Variants in HNF4G observed in about 807,000 individuals in gnomAD.
HNF4G encodes hepatocyte nuclear factor 4-gamma.
In HNF4G, 21 loss-of-function variants were observed where a neutral mutation model predicts 50.9. That is an observed-to-expected ratio of 0.41 (90% confidence interval 0.29 to 0.59). HNF4G has a LOEUF of 0.59. HNF4G is among the 20% of genes least tolerant of loss of function. The pLI is 0.26. For synonymous variants in HNF4G, 198 were observed against 185.6 expected (o/e 1.07, Z -0.54); for missense variants, 527 against 559.4 (o/e 0.94, Z 0.58).
At chr8:75,504,267 ACAC>A (rs1254595539) in intron 2 of HNF4G, among the ~76,000 whole-genome samples, 2,602 of 90,000 alleles carry the variant, frequency 0.029, 84 homozygotes, top group East Asian at 0.16. Context: ...ACACACACAC[ACAC>A]ACACACCAAA....
At chr8:75,492,647 G>T (rs1812660517) in intron 2 of HNF4G, among the ~76,000 whole-genome samples, 1 of 152,012 alleles carries the variant, frequency 6.6e-6, no homozygotes, top group Non-Finnish European at 1.5e-5. Context: ...TCCTCATTTT[G>T]TAGAGAAGAA....
chr8:75,464,049 C>G (rs1311322545), intron 1 of HNF4G, among the ~76,000 whole-genome samples: 1 of 152,076 alleles, frequency 6.6e-6, no homozygotes, highest in African/African-American at 2.4e-5. Flanking sequence ...GCTGGGATTA[C>G]AGGTGTGAGC....
chr8:75,536,593 A>G (rs187370206), upstream of HNF4G, among the ~76,000 whole-genome samples: 121 of 152,140 alleles, frequency 8.0e-4, no homozygotes, highest in Admixed American at 1.3e-3. Flanking sequence ...TTTAATGTGA[A>G]TATATATAAA....
intron 1 of HNF4G, among the ~76,000 whole-genome samples, chr8:75,450,553 A>G (rs929199463): frequency 1.1e-4 from 16 of 152,128 alleles, no homozygotes; most frequent in African/African-American, 3.4e-4. Context: ...CATTCTCACC[A>G]ACTGTGTATA....
upstream of HNF4G, chr8:75,407,888 G>C (rs917268919): frequency 6.6e-6 from 1 of 152,234 alleles, no homozygotes; most frequent in South Asian, 2.1e-4. Flanking sequence ...GGGTGGGTGG[G>C]GGACCTGCTG....
intron 2 of HNF4G, among the ~76,000 whole-genome samples, chr8:75,530,860 TC>T: frequency 6.7e-6 from 1 of 149,518 alleles, no homozygotes; most frequent in Non-Finnish European, 1.5e-5. Context: ...TTGTGCGATC[TC>T]GGTTCACTGC....
At chr8:75,499,281 A>G (rs1299568559) in intron 2 of HNF4G, among the ~76,000 whole-genome samples, 1 of 152,070 alleles carries the variant, frequency 6.6e-6, no homozygotes, top group Non-Finnish European at 1.5e-5. Flanking sequence ...TTCATTAACA[A>G]TAGCTTAAAA....
chr8:75,448,144 G>T (rs1229586364), intron 1 of HNF4G, among the ~76,000 whole-genome samples: 1 of 128,648 alleles, frequency 7.8e-6, no homozygotes, highest in African/African-American at 2.9e-5. Context: ...GGACATGGAT[G>T]AAATTGGAAA....
intron 3 of HNF4G, among the ~76,000 whole-genome samples, chr8:75,551,083 T>C (rs142179662): frequency 5.6e-4 from 85 of 152,298 alleles, no homozygotes; most frequent in African/African-American, 1.9e-3. Flanking sequence ...CTTATAGTTT[T>C]ATTAACTTTG....
intron 1 of HNF4G, among the ~76,000 whole-genome samples, chr8:75,422,177 C>T (rs1352002437): frequency 6.6e-6 from 1 of 152,040 alleles, no homozygotes; most frequent in Non-Finnish European, 1.5e-5. Flanking sequence ...GGTATTTTAC[C>T]TTTACAGTGT....
intron 1 of HNF4G, among the ~76,000 whole-genome samples, chr8:75,423,815 CTTTTTTTTT>C (rs548125507): frequency 4.1e-4 from 29 of 71,218 alleles, no homozygotes; most frequent in African/African-American, 5.9e-4. Flanking sequence ...AAGTTTCTTT[CTTTTTTTTT>C]TTTTTTTTTT....
chr8:75,528,332 T>C (rs1806236491), intron 2 of HNF4G, among the ~76,000 whole-genome samples: 1 of 152,198 alleles, frequency 6.6e-6, no homozygotes, highest in African/African-American at 2.4e-5. Context: ...ATATGAGTGG[T>C]TAGTTACATT....
chr8:75,414,403 C>CAGCG (rs1379282185), intron 1 of HNF4G, among the ~76,000 whole-genome samples: 1 of 152,062 alleles, frequency 6.6e-6, no homozygotes, highest in East Asian at 1.9e-4. Context: ...ATACCATAAA[C>CAGCG]AGCGTATATT....
At chr8:75,469,634 C>T (rs1812068732) in intron 1 of HNF4G, among the ~76,000 whole-genome samples, 1 of 152,030 alleles carries the variant, frequency 6.6e-6, no homozygotes, top group Admixed American at 6.6e-5. Flanking sequence ...TCAAATTGTC[C>T]GATAAGTAAT....
chr8:75,510,226 T>C (rs1805714637), intron 2 of HNF4G, among the ~76,000 whole-genome samples: 2 of 152,048 alleles, frequency 1.3e-5, no homozygotes, highest in African/African-American at 2.4e-5. Context: ...TTATAGAATA[T>C]GGATATCAAG....
At chr8:75,546,224 T>C (rs1280627411) in intron 2 of HNF4G, among the ~76,000 whole-genome samples, 1 of 152,170 alleles carries the variant, frequency 6.6e-6, no homozygotes, top group Non-Finnish European at 1.5e-5. Flanking sequence ...CCCCCAACTA[T>C]TTGAAGTGCA....
At chr8:75,483,486 C>T (rs931215446) in intron 1 of HNF4G, among the ~76,000 whole-genome samples, 3 of 152,164 alleles carry the variant, frequency 2.0e-5, no homozygotes, top group Non-Finnish European at 4.4e-5. Context: ...CTCGGCCCCT[C>T]CCTGCACTCA....
At chr8:75,529,109 AC>A in intron 2 of HNF4G, among the ~76,000 whole-genome samples, 1 of 147,198 alleles carries the variant, frequency 6.8e-6, no homozygotes, top group Non-Finnish European at 1.5e-5. Context: ...ACACGGTGAA[AC>A]CCCGTCTTTA....
chr8:75,433,618 C>A (rs1563504404), intron 1 of HNF4G, among the ~76,000 whole-genome samples: 2 of 152,072 alleles, frequency 1.3e-5, no homozygotes, highest in African/African-American at 2.4e-5. Context: ...GGGCTGGTCT[C>A]AAACTCCTGG....
Sources: allele counts gnomAD v4.1 joint callset (sites outside exome capture counted in the v4.1 genomes callset), GRCh38; gene constraint gnomAD v4.1.1; transcripts MANE v1.5; gene names NCBI Gene and HGNC (gene_info 2026-07-23, HGNC 2026-07-21).